Variants in NALCN observed in about 807,000 individuals in gnomAD.
NALCN encodes sodium leak channel NALCN.
NALCN carries 111 observed loss-of-function variants against 225.3 expected under a neutral mutation model. The ratio of observed to expected loss-of-function variants is 0.49; its 90% CI spans 0.42 to 0.58. The LOEUF is 0.58. NALCN is among the 20% of genes least tolerant of loss of function. The pLI is 0.00. For missense variants in NALCN, 1,378 were observed against 2,202.4 expected (o/e 0.63, Z 7.49); for synonymous variants, 764 against 769.0 (o/e 0.99, Z 0.11).
At chr13:101,201,777 G>C (rs2040132910) in intron 13 of NALCN, among the ~76,000 whole-genome samples, 1 of 151,980 alleles carries the variant, frequency 6.6e-6, no homozygotes, top group Admixed American at 6.6e-5. Flanking sequence ...ATATAACTTT[G>C]ATTTTACAAC....
chr13:101,273,902 A>AAAAAAG lies in NALCN; in HGVS notation c.1134+10025_1134+10030dup, dbSNP rs1566515893. 2.3e-4 allele frequency among the ~76,000 whole-genome samples: 34 copies of AAAAAAG among 144,846 alleles called. 2 individuals are homozygous for AAAAAAG. Among genetic ancestry groups the AAAAAAG allele is most frequent in the Non-Finnish European group, 2.4e-4 (16 of 66,840 alleles). The stretch of plus-strand genomic sequence containing the variant: ...TCCATCTCAAAAAAAAAAAAAAAAA[A>AAAAAAG]AAAAAGAAAATGTGTGGCCCTTGAA... On this transcript the variant is annotated intron_variant, in intron 10 of 43. Transcript: ENST00000251127.
intron 7 of NALCN, among the ~76,000 whole-genome samples, chr13:101,294,702 T>G (rs1351947058): frequency 6.6e-6 from 1 of 151,866 alleles, no homozygotes; most frequent in African/African-American, 2.4e-5. Context: ...AGTGAGGGAT[T>G]TAGAGTCATT....
chr13:101,261,829 C>G (rs1029480224), intron 10 of NALCN, among the ~76,000 whole-genome samples: 2 of 152,170 alleles, frequency 1.3e-5, no homozygotes, highest in Non-Finnish European at 2.9e-5. Flanking sequence ...AATTTGGATG[C>G]CCTTTAATCT....
intron 7 of NALCN, among the ~76,000 whole-genome samples, chr13:101,320,438 T>C (rs2044705766): frequency 6.6e-6 from 1 of 152,212 alleles, no homozygotes. Context: ...CATTCTGAAG[T>C]CATTTGGTTG....
chr13:101,299,971 G>A (rs1440442076), intron 7 of NALCN, among the ~76,000 whole-genome samples: 1 of 151,742 alleles, frequency 6.6e-6, no homozygotes, highest in Non-Finnish European at 1.5e-5. Flanking sequence ...AGAGTAAATT[G>A]TACCCCAACA....
intron 10 of NALCN, among the ~76,000 whole-genome samples, chr13:101,283,348 G>C (rs775631982): frequency 2.0e-5 from 3 of 152,120 alleles, no homozygotes; most frequent in Non-Finnish European, 4.4e-5. Flanking sequence ...CCATATTGTT[G>C]TCAATGGCAG....
At chr13:101,380,526 T>G (rs988956547) in intron 3 of NALCN, among the ~76,000 whole-genome samples, 1 of 152,176 alleles carries the variant, frequency 6.6e-6, no homozygotes, top group South Asian at 2.1e-4. Context: ...TAATCATCCA[T>G]GTAAGTCAAT....
At chr13:101,390,762 T>A (rs2047120819) in intron 3 of NALCN, among the ~76,000 whole-genome samples, 1 of 152,008 alleles carries the variant, frequency 6.6e-6, no homozygotes, top group Non-Finnish European at 1.5e-5. Flanking sequence ...AAGCAGCAGA[T>A]TTAAGAGTCT....
chr13:101,155,603 G>A (rs1021714756), intron 15 of NALCN, among the ~76,000 whole-genome samples: 2 of 152,120 alleles, frequency 1.3e-5, no homozygotes, highest in African/African-American at 2.4e-5. Context: ...GGTGATGTCT[G>A]CCAGGTTTCT....
intron 6 of NALCN, among the ~76,000 whole-genome samples, chr13:101,371,861 T>C (rs985387828): frequency 1.3e-5 from 2 of 152,336 alleles, no homozygotes; most frequent in Middle Eastern, 3.4e-3. Context: ...GGGCTCAGGA[T>C]TGTGCAGCCC....
At chr13:101,178,183 T>C (rs1206793918) in intron 14 of NALCN, among the ~76,000 whole-genome samples, 1 of 152,158 alleles carries the variant, frequency 6.6e-6, no homozygotes, top group Non-Finnish European at 1.5e-5. Flanking sequence ...TACCTTCCCC[T>C]GTCTTGATTT....
At chr13:101,348,684 C>G (rs2045818747) in intron 6 of NALCN, among the ~76,000 whole-genome samples, 1 of 151,696 alleles carries the variant, frequency 6.6e-6, no homozygotes, top group South Asian at 2.1e-4. Flanking sequence ...CATATTAGTG[C>G]TGATACTCAT....
chr13:101,404,803 G>A (rs1566658914), intron 1 of NALCN, among the ~76,000 whole-genome samples: 1 of 152,152 alleles, frequency 6.6e-6, no homozygotes, highest in Non-Finnish European at 1.5e-5. Context: ...CTAACTGTAA[G>A]TAAACACTAC....
intron 15 of NALCN, among the ~76,000 whole-genome samples, chr13:101,166,640 A>T (rs749458717): frequency 1.3e-5 from 2 of 152,172 alleles, no homozygotes; most frequent in Non-Finnish European, 2.9e-5. Context: ...TTAACTCCTC[A>T]TCAGACACAC....
chr13:101,202,937 C>T lies in NALCN; in HGVS notation c.1627-10883G>A, dbSNP rs2040180121. 3.9e-5 allele frequency among the ~76,000 whole-genome samples: 6 copies of T among 152,186 alleles called. No individual in the cohort carries two copies. In the South Asian group the frequency reaches 1.2e-3, roughly 32 times the overall value. ...GATCAGTGAGGTCAAGAACCAAGTA[C>T]TCAGCCTCTGCTTTCACAGCGTCTG... On this transcript the variant is annotated intron_variant, in intron 13 of 43. Transcript: ENST00000251127.
chr13:101,211,711 A>G (rs1006660827), intron 13 of NALCN, among the ~76,000 whole-genome samples: 11 of 151,586 alleles, frequency 7.3e-5, no homozygotes, highest in African/African-American at 2.7e-4. Flanking sequence ...GTTAGTTTCT[A>G]TTGCAGAGTC....
Position 101,075,900 on chromosome 13 carries a change from A to G in NALCN, c.3927T>C (p.Phe1309=). Residue 1309 remains phenylalanine, a synonymous_variant, in exon 35 of 44, where the codon TTT becomes TTC. Transcript: ENST00000251127. ...GTTTTCCACAGATGGAGAAAAACCT[A>G]AATACAATCACACAAGCGCCCATCA... The part of the protein sequence containing the change: ...TYMMGACVIV[F]RFFSICGKHV... 1.9e-6 allele frequency: 3 copies of G among 1,610,968 alleles called. No homozygotes were observed.
rs2043602003 is a variant in NALCN at position 101,292,843 on chromosome 13, A to C, written c.800-477T>G. On this transcript the variant is annotated intron_variant, in intron 7 of 43. Transcript: ENST00000251127. This position sits in a 1 kb window ranked among gnomAD's most constrained non-coding sequence, Gnocchi z 4.3. ...GAGAGTAAAGTATCTCAGGCTCCACAATTGATATGATGGAGCTTGTCTTTG... is the reference window on the plus strand; with the variant it reads ...GAGAGTAAAGTATCTCAGGCTCCACCATTGATATGATGGAGCTTGTCTTTG... Among the ~76,000 whole-genome samples, 1 of 152,190 alleles carries C rather than the reference A, an allele frequency of 6.6e-6. No homozygotes were observed.
intron 30 of NALCN, 113 bp from the exon 31 acceptor site, chr13:101,083,917 T>C (rs1219240673): frequency 2.2e-6 from 2 of 897,274 alleles, no homozygotes; most frequent in African/African-American, 1.7e-5. Context: ...GCACTGACCA[T>C]GTTCTTCCAA....
Sources: allele counts gnomAD v4.1 joint callset (sites outside exome capture counted in the v4.1 genomes callset), GRCh38; gene constraint gnomAD v4.1.1; non-coding constraint Gnocchi (gnomAD v3.1); transcripts MANE v1.5; gene names NCBI Gene and HGNC (gene_info 2026-07-23, HGNC 2026-07-21).